DCHS2: variants seen among roughly 807,000 people sequenced by gnomAD.
DCHS2 encodes the protein protocadherin-23.
In DCHS2, 142 loss-of-function variants were observed where a neutral mutation model predicts 182.4. That is an observed-to-expected ratio of 0.78 (90% CI 0.68 to 0.89). DCHS2 has a LOEUF of 0.89. Among genes scored for constraint, DCHS2 ranks in the 40% least tolerant of loss-of-function variants. DCHS2 has a pLI of 0.00. For missense variants in DCHS2, 4,319 were observed against 4,198.6 expected (o/e 1.03, Z -0.79); for synonymous variants, 1,740 against 1,663.3 (o/e 1.05, Z -1.12).
intron 13 of DCHS2, among the ~76,000 whole-genome samples, chr4:154,287,600 C>T (rs1406759143): frequency 3.3e-5 from 5 of 152,124 alleles, no homozygotes; most frequent in African/African-American, 1.2e-4. Flanking sequence ...TGTACCTCTG[C>T]TTTCCAAGTA....
At position 154,235,901 on chromosome 4, in the gene DCHS2, G is replaced by C. The variant is rs1731460923; in HGVS notation, c.8751C>G (p.Tyr2917Ter). The stretch of plus-strand genomic sequence containing the variant: ...AGAAAGGAGATGAGGTTCCAAGGGA[G>C]TAAAGAATGACTCCATCAATACCAG... Reference protein sequence around the residue: ...ADAGIDGVILYSLGTSSPFFS... With the variant: ...ADAGIDGVIL Residue 2917 changes from tyrosine (Y) to a stop codon, truncating the protein, a stop_gained, in exon 20 of 20, where the codon TAC becomes TAG. Coordinates refer to ENST00000357232, the MANE Select transcript of DCHS2 (RefSeq NM_001358235.2). LOFTEE classifies it low-confidence loss of function (END_TRUNC). 3 of 1,613,928 alleles carry C rather than the reference G, an allele frequency of 1.9e-6. No homozygotes were observed. Among genetic ancestry groups the C allele is most frequent in the Non-Finnish European group, 1.7e-6 (2 of 1,179,970 alleles).
intron 1 of DCHS2, among the ~76,000 whole-genome samples, chr4:154,462,310 A>G (rs1030045025): frequency 1.1e-4 from 16 of 152,158 alleles, no homozygotes; most frequent in Admixed American, 1.0e-3. Flanking sequence ...AGTAGTCTTT[A>G]CTTAACACTT....
intron 1 of DCHS2, among the ~76,000 whole-genome samples, chr4:154,444,974 T>C (rs1470680074): frequency 6.6e-6 from 1 of 152,170 alleles, no homozygotes; most frequent in East Asian, 1.9e-4. Context: ...TCCCACACAG[T>C]TGGGCATGGC....
intron 3 of DCHS2, among the ~76,000 whole-genome samples, chr4:154,361,604 A>G (rs898840104): frequency 6.6e-6 from 1 of 152,124 alleles, no homozygotes; most frequent in Admixed American, 6.6e-5. Flanking sequence ...AGAATAAGAG[A>G]AATGAAGGCT....
intron 3 of DCHS2, among the ~76,000 whole-genome samples, chr4:154,343,989 G>T (rs1217698416): frequency 6.6e-6 from 1 of 152,076 alleles, no homozygotes; most frequent in African/African-American, 2.4e-5. Flanking sequence ...CCATTATAGG[G>T]TTATTAACTG....
chr4:154,485,590 A>G (rs1728555328), intron 1 of DCHS2, among the ~76,000 whole-genome samples: 1 of 152,238 alleles, frequency 6.6e-6, no homozygotes, highest in Non-Finnish European at 1.5e-5. Context: ...TGCTGTCCCC[A>G]GCACCAAGAA....
At chr4:154,343,609 A>C (rs557753021) in intron 3 of DCHS2, 2 of 1,510,912 alleles carry the variant, frequency 1.3e-6, no homozygotes, top group Middle Eastern at 1.7e-4. Flanking sequence ...CTAGCTTCAA[A>C]TTTTTTTTCT....
Position 154,234,513 on chromosome 4 carries a change from A to T in DCHS2, c.*23T>A. The T allele has an allele frequency of 6.3e-7, 1 of 1,577,390 alleles. No individual in the cohort carries two copies. The highest frequency in any genetic ancestry group is 8.6e-7 in the Non-Finnish European group (1 of 1,160,544). On this transcript the variant is annotated 3_prime_UTR_variant, in exon 20 of 20. Coordinates refer to ENST00000357232, the MANE Select transcript of DCHS2 (RefSeq NM_001358235.2). ...CATTCATTCATGACCAATGGTGAGC[A>T]GGTACTTGGCATCCCAGTGGTTTCA...
Position 154,298,464 on chromosome 4 carries a change from T to C in DCHS2, c.5850A>G (p.Thr1950=). The change falls in exon 13 of 20, where the codon ACA becomes ACG. Residue 1950 remains threonine (T), a synonymous_variant. Coordinates refer to ENST00000357232, the MANE Select transcript of DCHS2 (RefSeq NM_001358235.2). The part of the protein sequence containing the change: ...SSVREDAEVG[T]VVLVLSAVDK... ...CCACAGCTGAAAGCACAAGAACCAC[T>C]GTTCCCACTTCAGCATCTTCTCTCA... 1.2e-6 allele frequency: 2 copies of C among 1,614,176 alleles called. No homozygotes were observed. Among genetic ancestry groups the C allele is most frequent in the Non-Finnish European group, 1.7e-6 (2 of 1,180,002 alleles).
At chr4:154,237,405 T>C (rs529220331) in intron 19 of DCHS2, 4 of 432,806 alleles carry the variant, frequency 9.2e-6, no homozygotes, top group South Asian at 7.9e-5. Flanking sequence ...TTGAGGTTGC[T>C]GTTGCCACAA....
chr4:154,375,154 A>G lies in DCHS2; in HGVS notation c.2244+2099T>C, dbSNP rs572073141. Among the ~76,000 whole-genome samples, 19 of 152,326 alleles carry G rather than the reference A, an allele frequency of 1.2e-4. No individual in the cohort carries two copies. The East Asian group carries it at 3.7e-3, about 29-fold the overall frequency. On this transcript the variant is annotated intron_variant, in intron 2 of 19. Coordinates refer to ENST00000357232, the MANE Select transcript of DCHS2 (RefSeq NM_001358235.2). ...TGAGTTAATCATAGGGGAAAAAATAACAAAACTTCTTCCCACTAGATTGAA... is the reference window on the plus strand; with the variant it reads ...TGAGTTAATCATAGGGGAAAAAATAGCAAAACTTCTTCCCACTAGATTGAA...
intron 1 of DCHS2, among the ~76,000 whole-genome samples, chr4:154,393,946 T>C (rs1297580177): frequency 6.6e-6 from 1 of 152,176 alleles, no homozygotes; most frequent in Non-Finnish European, 1.5e-5. Flanking sequence ...TTCCTCAGTC[T>C]CAGACACATC....
chr4:154,386,523 G>C (rs1731427768), intron 1 of DCHS2, among the ~76,000 whole-genome samples: 1 of 151,908 alleles, frequency 6.6e-6, no homozygotes, highest in African/African-American at 2.4e-5. Flanking sequence ...TTTCTTCAGA[G>C]AACTTATCTC....
chr4:154,240,627 A>G lies in DCHS2; in HGVS notation c.7269T>C (p.Ser2423=). 1 of 1,613,988 alleles carries G rather than the reference A, an allele frequency of 6.2e-7. No individual in the cohort carries two copies. The highest frequency in any genetic ancestry group is 8.5e-7 in the Non-Finnish European group (1 of 1,179,932). The change falls in exon 18 of 20, where the codon TCT becomes TCC. Residue 2423 remains serine, a synonymous_variant. Transcript: ENST00000357232. Reference sequence around the variant, plus strand: ...CTCCCTCTGTGTAGTGCACTGAATCAGAAATTTGGATGAGCAGCTCATATT... The same window carrying G: ...CTCCCTCTGTGTAGTGCACTGAATCGGAAATTTGGATGAGCAGCTCATATT... ...MTEYELLIQI[S]DSVHYTEGAL...
chr4:154,419,650 C>CAAAA (rs70947164), intron 1 of DCHS2, among the ~76,000 whole-genome samples: 62 of 44,892 alleles, frequency 1.4e-3, no homozygotes, highest in South Asian at 4.0e-3. Flanking sequence ...AACTCCATCT[C>CAAAA]AAAAAAAAAA....
intron 1 of DCHS2, among the ~76,000 whole-genome samples, chr4:154,427,375 G>A (rs998153103): frequency 1.3e-5 from 2 of 152,288 alleles, no homozygotes; most frequent in African/African-American, 4.8e-5. Context: ...CAAGGCAAAC[G>A]CCGAGCTCTG....
rs1728764001 is a variant in DCHS2, at chr4:154,490,323, T to C, written c.1033A>G (p.Ser345Gly). Residue 345 changes from serine (S) to glycine (G), a missense_variant, in exon 1 of 20, where the codon AGC becomes GGC. By Grantham distance (56) the Ser-to-Gly change is moderately conservative. Transcript: ENST00000357232. Reference protein sequence around the residue: ...VRARQVPGAGSGGGALGDAAY... With the variant: ...VRARQVPGAGGGGGALGDAAY... The stretch of plus-strand genomic sequence containing the variant: ...GCGTCGCCCAGTGCCCCGCCGCCGC[T>C]ACCCGCCCCAGGCACTTGCCGGGCG... 6.5e-7 allele frequency: 1 copy of C among 1,544,194 alleles called. No individual in the cohort carries two copies. The highest frequency in any genetic ancestry group is 8.7e-7 in the Non-Finnish European group (1 of 1,146,238).
intron 13 of DCHS2, among the ~76,000 whole-genome samples, chr4:154,277,486 G>GC (rs1561005475): frequency 6.6e-6 from 1 of 152,104 alleles, no homozygotes; most frequent in East Asian, 1.9e-4. Context: ...ACGTACATAA[G>GC]CCCAGTGAAG....
intron 1 of DCHS2, among the ~76,000 whole-genome samples, chr4:154,394,706 G>A (rs1231968254): frequency 1.3e-5 from 2 of 151,978 alleles, no homozygotes; most frequent in African/African-American, 4.8e-5. Flanking sequence ...CTCAAATTGG[G>A]CCAAGTTGCT....
Sources: gnomAD v4.1 joint callset for allele counts (sites outside exome capture counted in the v4.1 genomes callset) on GRCh38, gnomAD v4.1.1 for gene constraint, MANE v1.5 for transcripts, NCBI Gene and HGNC (gene_info 2026-07-23, HGNC 2026-07-21) for gene names.